The following XPO4 variants were observed in gnomAD, a reference collection of about 807,000 sequenced individuals.
The protein encoded by XPO4 is exportin 4, also known as exportin-4.
In XPO4, 39 loss-of-function variants were observed where a neutral mutation model predicts 143.0. The observed-to-expected ratio is 0.27, with a 90% CI of 0.21 to 0.36. XPO4 has a LOEUF of 0.36. Ranked by LOEUF, XPO4 falls within the 10% of genes least tolerant of loss-of-function variation. XPO4 has a pLI of 1.00. For synonymous variants in XPO4, 439 were observed against 474.0 expected (o/e 0.93, Z 0.96); for missense variants, 907 against 1,348.0 (o/e 0.67, Z 5.12).
chr13:20,802,778 T>C (rs961282880), intron 13 of XPO4, among the ~76,000 whole-genome samples: 1 of 152,214 alleles, frequency 6.6e-6, no homozygotes, highest in Non-Finnish European at 1.5e-5. Flanking sequence ...TGTCTATATA[T>C]TGAAAGATAA....
At position 20,797,036 on chromosome 13, in the gene XPO4, G is replaced by A; in HGVS notation, c.2344C>T (p.Arg782Ter). 6.3e-7 allele frequency: 1 copy of A among 1,593,498 alleles called. No homozygotes were observed. Among genetic ancestry groups the A allele is most frequent in the Non-Finnish European group, 8.5e-7 (1 of 1,170,090 alleles). ...TCTTGGTTTATCACTCTTAAGAATC[G>A]CTGCTGAAGTGGCTGAAGAACCTAT... ...WTEVLQPLQQ[R>*]FLRVINQENF... Residue 782 changes from arginine (R) to a stop codon, truncating the protein, a stop_gained, in exon 17 of 23, where the codon CGA (arginine) becomes TGA (stop). Coordinates refer to ENST00000255305, the MANE Select transcript of XPO4 (RefSeq NM_022459.5). LOFTEE classifies it high-confidence loss of function.
At chr13:20,845,098 G>A (rs1324464474) in intron 4 of XPO4, among the ~76,000 whole-genome samples, 2 of 152,192 alleles carry the variant, frequency 1.3e-5, no homozygotes, top group East Asian at 3.9e-4. Flanking sequence ...CTTGAACCTG[G>A]GAGCCGAAGG....
chr13:20,848,380 C>A (rs961939974), intron 4 of XPO4: 5 of 985,230 alleles, frequency 5.1e-6, no homozygotes, highest in Non-Finnish European at 6.0e-6. Context: ...CCTTCATGTA[C>A]CTTGACCTCA....
chr13:20,821,102 C>A (rs896226782), intron 9 of XPO4, among the ~76,000 whole-genome samples: 1 of 152,004 alleles, frequency 6.6e-6, no homozygotes, highest in Admixed American at 6.6e-5. Context: ...ATGGAAAATA[C>A]ACATTTGGAA....
intron 1 of XPO4, among the ~76,000 whole-genome samples, chr13:20,896,629 T>C (rs985557153): frequency 2.6e-5 from 4 of 152,222 alleles, no homozygotes; most frequent in Non-Finnish European, 5.9e-5. Flanking sequence ...TCTTAGTTAT[T>C]TTGCTTAAAC....
chr13:20,849,418 C>T (rs1320455570), intron 4 of XPO4: 4 of 984,572 alleles, frequency 4.1e-6, no homozygotes, highest in Non-Finnish European at 4.8e-6. Flanking sequence ...ATGCCTACTG[C>T]TTTCAAAGGA....
intron 13 of XPO4, among the ~76,000 whole-genome samples, chr13:20,801,553 G>C (rs1182032245): frequency 6.6e-6 from 1 of 152,190 alleles, no homozygotes; most frequent in Admixed American, 6.5e-5. Flanking sequence ...AAGATTACCT[G>C]TGTAAGTACA....
At chr13:20,854,352 C>T (rs1056556670) in intron 4 of XPO4, among the ~76,000 whole-genome samples, 5 of 152,128 alleles carry the variant, frequency 3.3e-5, no homozygotes, top group East Asian at 3.9e-4. Flanking sequence ...GAGAAGAGAT[C>T]CAAGATATTG....
At chr13:20,875,814 TAGG>T (rs1255634762) in intron 1 of XPO4, among the ~76,000 whole-genome samples, 1 of 152,192 alleles carries the variant, frequency 6.6e-6, no homozygotes, top group Non-Finnish European at 1.5e-5. Context: ...TCATAATTGA[TAGG>T]AGAACTGCAC....
intron 6 of XPO4, among the ~76,000 whole-genome samples, chr13:20,840,688 A>G (rs2059965322): frequency 6.6e-6 from 1 of 152,192 alleles, no homozygotes; most frequent in African/African-American, 2.4e-5. Flanking sequence ...GTTCCTTGAA[A>G]TTGATTTCCC....
chr13:20,881,538 G>A (rs1487178686), intron 1 of XPO4, among the ~76,000 whole-genome samples: 3 of 151,974 alleles, frequency 2.0e-5, no homozygotes, highest in Non-Finnish European at 4.4e-5. Context: ...CCAAAGTGCT[G>A]GAATTACAGG....
chr13:20,865,669 T>G (rs908928037), intron 2 of XPO4: 1 of 878,508 alleles, frequency 1.1e-6, no homozygotes, highest in Non-Finnish European at 1.4e-6. Context: ...AGCACTACAT[T>G]CTGACCAAAA....
intron 10 of XPO4, among the ~76,000 whole-genome samples, chr13:20,809,492 C>A (rs566040174): frequency 1.3e-4 from 20 of 152,298 alleles, no homozygotes; most frequent in Admixed American, 3.3e-4. Flanking sequence ...ACACCCACAA[C>A]CCACCTCCCA....
At chr13:20,789,363 G>C (rs1263551161) in intron 19 of XPO4, among the ~76,000 whole-genome samples, 1 of 150,220 alleles carries the variant, frequency 6.7e-6, no homozygotes, top group African/African-American at 2.5e-5. Context: ...CTTCTCGTAT[G>C]TACTCACCTT....
intron 1 of XPO4, among the ~76,000 whole-genome samples, chr13:20,900,922 G>A (rs1207926560): frequency 6.6e-6 from 1 of 152,080 alleles, no homozygotes; most frequent in Non-Finnish European, 1.5e-5. Flanking sequence ...GTAATTTCCT[G>A]TTTTTAATAA....
intron 6 of XPO4, among the ~76,000 whole-genome samples, chr13:20,828,457 C>T (rs1300786258): frequency 6.6e-6 from 1 of 152,026 alleles, no homozygotes; most frequent in Non-Finnish European, 1.5e-5. Context: ...TTATTATTCA[C>T]AGGGAAAATT....
rs2060603049 is a variant in XPO4, at chr13:20,899,749, A to G, written c.69+2921T>C. ...CCTAATGAAAAATTAAGCAAAAATA[A>G]TTATGAAATACATCACTATTTGCAT... On this transcript the variant is annotated intron_variant, in intron 1 of 22. Transcript: ENST00000255305. Among the ~76,000 whole-genome samples, 2 of 152,252 alleles carry G rather than the reference A, an allele frequency of 1.3e-5. 1 individual carries two copies. The highest frequency in any genetic ancestry group is 4.8e-5 in the African/African-American group (2 of 41,478).
At chr13:20,809,025 C>A (rs1164310340) in intron 11 of XPO4, 58 bp downstream of exon 11, 1 of 1,578,484 alleles carries the variant, frequency 6.3e-7, no homozygotes, top group Non-Finnish European at 8.6e-7. Context: ...TAAGTGCTCT[C>A]CAGGGAATTG....
At chr13:20,792,723 CAAAAA>C (rs748612077) in intron 18 of XPO4, among the ~76,000 whole-genome samples, 1 of 98,072 alleles carries the variant, frequency 1.0e-5, no homozygotes, top group Non-Finnish European at 1.9e-5. Flanking sequence ...CTCTGTCTCA[CAAAAA>C]AAAAAAAAAA....
Sources: allele counts gnomAD v4.1 joint callset (sites outside exome capture counted in the v4.1 genomes callset), GRCh38; gene constraint gnomAD v4.1.1; transcripts MANE v1.5; gene names NCBI Gene and HGNC (gene_info 2026-07-23, HGNC 2026-07-21).